Variants in LRP1B observed in about 807,000 individuals in gnomAD.
The protein encoded by LRP1B is low-density lipoprotein receptor-related protein 1B.
Under a neutral mutation model 556.6 loss-of-function variants are expected in LRP1B, and 217 were observed. That is an observed-to-expected ratio of 0.39 (90% CI 0.35 to 0.44). The LOEUF is 0.44. Ranked by LOEUF, LRP1B falls within the 20% of genes least tolerant of loss-of-function variation. The probability of loss-of-function intolerance (pLI) is 1.00; values close to 1 mark genes in which losing one functional copy is unlikely to be tolerated. For missense variants in LRP1B, 5,053 were observed against 5,620.8 expected (o/e 0.90, Z 3.23); for synonymous variants, 2,047 against 1,865.8 (o/e 1.10, Z -2.50).
chr2:140,768,288 C>G (rs1689185167), intron 35 of LRP1B, among the ~76,000 whole-genome samples: 2 of 151,690 alleles, frequency 1.3e-5, no homozygotes, highest in African/African-American at 4.8e-5. Flanking sequence ...GTACCAGAAG[C>G]CCACATGCTG....
intron 1 of LRP1B, among the ~76,000 whole-genome samples, chr2:141,840,676 A>G (rs1295180867): frequency 2.6e-5 from 4 of 152,290 alleles, no homozygotes; most frequent in Non-Finnish European, 5.9e-5. Context: ...GAGAAAAGAA[A>G]TACAAAATAA....
chr2:140,518,413 G>A (rs1354105825), intron 49 of LRP1B, among the ~76,000 whole-genome samples: 3 of 152,032 alleles, frequency 2.0e-5, no homozygotes, highest in African/African-American at 7.2e-5. Flanking sequence ...CTCTATTAGT[G>A]TTGAAAGTTA....
chr2:142,060,683 G>A (rs901897866), intron 1 of LRP1B, among the ~76,000 whole-genome samples: 54 of 152,046 alleles, frequency 3.6e-4, no homozygotes, highest in African/African-American at 1.3e-3. Flanking sequence ...GTTACTCCAC[G>A]AAAAAGTCTC....
chr2:141,708,614 G>A (rs758959160), intron 2 of LRP1B, among the ~76,000 whole-genome samples: 10 of 152,006 alleles, frequency 6.6e-5, no homozygotes, highest in Admixed American at 2.0e-4. Flanking sequence ...TTTTTCTAAT[G>A]ACTCTTCATT....
At chr2:140,779,436 C>A (rs996141569) in intron 32 of LRP1B, among the ~76,000 whole-genome samples, 6 of 152,090 alleles carry the variant, frequency 3.9e-5, no homozygotes, top group African/African-American at 1.4e-4. Context: ...GTGGCTCACG[C>A]CTGTAATCCC....
intron 2 of LRP1B, among the ~76,000 whole-genome samples, chr2:141,608,411 T>A (rs1237346707): frequency 6.6e-6 from 1 of 152,158 alleles, no homozygotes; most frequent in Non-Finnish European, 1.5e-5. Flanking sequence ...AAATGAATAA[T>A]TCATCTTCCA....
intron 83 of LRP1B, among the ~76,000 whole-genome samples, chr2:140,301,745 A>G (rs1683832542): frequency 6.6e-6 from 1 of 151,834 alleles, no homozygotes; most frequent in Non-Finnish European, 1.5e-5. Context: ...TGTTGCTTAT[A>G]TATATATACA....
chr2:141,165,472 C>T (rs2105124225), intron 7 of LRP1B, among the ~76,000 whole-genome samples: 1 of 152,050 alleles, frequency 6.6e-6, no homozygotes, highest in South Asian at 2.1e-4. Context: ...GGATTGCAAG[C>T]TAAATTAGCT....
intron 6 of LRP1B, among the ~76,000 whole-genome samples, chr2:141,211,530 T>C (rs752969173): frequency 4.4e-4 from 67 of 151,828 alleles, no homozygotes; most frequent in Non-Finnish European, 7.4e-4. Context: ...TGAGGCAGAA[T>C]TGCTTGAACC....
intron 1 of LRP1B, among the ~76,000 whole-genome samples, chr2:142,063,231 G>C (rs1479445598): frequency 1.3e-5 from 2 of 151,444 alleles, no homozygotes; most frequent in African/African-American, 4.8e-5. Context: ...AACTAATTTA[G>C]AGTAATTAAT....
chr2:141,019,639 G>C (rs1475087792), intron 12 of LRP1B, among the ~76,000 whole-genome samples: 1 of 151,866 alleles, frequency 6.6e-6, no homozygotes, highest in African/African-American at 2.4e-5. Context: ...ATTTATCTTG[G>C]TGTCAGGCTG....
chr2:140,530,165 T>C (rs17591034), intron 47 of LRP1B, among the ~76,000 whole-genome samples: 5,961 of 152,244 alleles, frequency 0.039, 160 homozygotes, highest in Non-Finnish European at 0.064. Flanking sequence ...TACTACAGTC[T>C]ATCAAAATCT....
At chr2:141,414,458 G>C (rs1255375206) in intron 3 of LRP1B, among the ~76,000 whole-genome samples, 2 of 148,690 alleles carry the variant, frequency 1.3e-5, no homozygotes, top group East Asian at 3.9e-4. Flanking sequence ...AAAAGAAGAG[G>C]CAAGTGTGTT....
At chr2:140,675,185 T>G (rs570586592) in intron 41 of LRP1B, among the ~76,000 whole-genome samples, 1 of 152,370 alleles carries the variant, frequency 6.6e-6, no homozygotes, top group Non-Finnish European at 1.5e-5. Context: ...TTTCCCTTAT[T>G]TAAAATCATC....
chr2:142,059,614 T>A (rs1477641427), intron 1 of LRP1B, among the ~76,000 whole-genome samples: 1 of 152,214 alleles, frequency 6.6e-6, no homozygotes, highest in African/African-American at 2.4e-5. Flanking sequence ...ATCTTCTGCC[T>A]ATGGGTAAAG....
At chr2:142,036,942 T>G (rs1432959513) in intron 1 of LRP1B, among the ~76,000 whole-genome samples, 1 of 151,726 alleles carries the variant, frequency 6.6e-6, no homozygotes, top group East Asian at 1.9e-4. Flanking sequence ...CACAGATTTT[T>G]AAAAAATTAT....
intron 2 of LRP1B, among the ~76,000 whole-genome samples, chr2:141,502,023 T>G (rs6745610): frequency 0.045 from 6,914 of 152,100 alleles, 566 homozygotes; most frequent in African/African-American, 0.16. Flanking sequence ...GAGCATAAAA[T>G]GTAACAACAG....
chr2:140,413,353 T>A (rs1395205949), intron 66 of LRP1B, among the ~76,000 whole-genome samples: 29 of 152,222 alleles, frequency 1.9e-4, no homozygotes. Context: ...CAATGTTTAA[T>A]AATGTTTGCT....
intron 86 of LRP1B, among the ~76,000 whole-genome samples, chr2:140,267,155 G>A (rs1039026536): frequency 6.6e-6 from 1 of 152,042 alleles, no homozygotes; most frequent in Non-Finnish European, 1.5e-5. Context: ...AAGTGGTACA[G>A]AGTATTTATT....
Sources: gnomAD v4.1 joint callset for allele counts (sites outside exome capture counted in the v4.1 genomes callset) on GRCh38, gnomAD v4.1.1 for gene constraint, MANE v1.5 for transcripts, NCBI Gene and HGNC (gene_info 2026-07-23, HGNC 2026-07-21) for gene names.